Variants in DLG2 observed in about 807,000 individuals in gnomAD.
DLG2 encodes the protein disks large homolog 2.
A neutral mutation model predicts 132.5 loss-of-function variants in DLG2; 45 were observed. The ratio of observed to expected loss-of-function variants is 0.34; its 90% CI spans 0.27 to 0.44. The LOEUF is 0.44. DLG2 is among the 20% of genes least tolerant of loss of function. The pLI is 1.00. For missense variants in DLG2, 1,045 were observed against 1,196.9 expected, an observed-to-expected ratio of 0.87 and a Z score of 1.87; for synonymous variants, 424 against 419.6, an observed-to-expected ratio of 1.01 and a Z score of -0.13.
chr11:84,939,087 T>C (rs1196096133), intron 6 of DLG2, among the ~76,000 whole-genome samples: 1 of 152,040 alleles, frequency 6.6e-6, no homozygotes, highest in Non-Finnish European at 1.5e-5. Context: ...AATTTAATGA[T>C]TACTTATTAA....
At chr11:85,181,540 T>C (rs17148040) in intron 4 of DLG2, among the ~76,000 whole-genome samples, 5,747 of 151,794 alleles carry the variant, frequency 0.038, 150 homozygotes, top group African/African-American at 0.065. Context: ...GTTCTCCTTT[T>C]AAAATTTAAT....
rs911798876 is a variant in DLG2, at chr11:83,457,385, G to T, written c.*2433C>A. On this transcript the variant is annotated 3_prime_UTR_variant, in exon 28 of 28. Transcript: ENST00000376104. Reference sequence around the variant, plus strand: ...TTGGAAAAGACCCTCTCACCAATTTGCTTGGTGATTCTTCAAGCAAATATA... The same window carrying T: ...TTGGAAAAGACCCTCTCACCAATTTTCTTGGTGATTCTTCAAGCAAATATA... The T allele has an allele frequency of 3.9e-5, 6 of 152,522 alleles. No homozygotes were observed. The highest frequency in any genetic ancestry group is 1.4e-4 in the African/African-American group (6 of 41,394). The allele number at this position is 152,522 out of a possible 1,614,324, so 9.4% of individuals were successfully genotyped here. A position where few individuals can be genotyped will look rare whatever the true frequency, so the allele number is the denominator to read the frequency against.
intron 6 of DLG2, among the ~76,000 whole-genome samples, chr11:84,998,575 G>A (rs1566610896): frequency 6.6e-6 from 1 of 152,090 alleles, no homozygotes; most frequent in East Asian, 1.9e-4. Flanking sequence ...TATGTTCTAA[G>A]GTTCTGCATT....
intron 7 of DLG2, among the ~76,000 whole-genome samples, chr11:84,312,219 C>T (rs931637252): frequency 2.6e-5 from 4 of 152,144 alleles, no homozygotes; most frequent in African/African-American, 9.7e-5. Context: ...CACTTGTAAT[C>T]CCAACACTTT....
chr11:84,182,921 C>A (rs1000041440), intron 8 of DLG2, among the ~76,000 whole-genome samples: 1 of 152,080 alleles, frequency 6.6e-6, no homozygotes, highest in Admixed American at 6.6e-5. Context: ...ACCACAGATT[C>A]CATGGTCATT....
At chr11:84,558,822 T>C (rs538559743) in intron 6 of DLG2, among the ~76,000 whole-genome samples, 4 of 152,162 alleles carry the variant, frequency 2.6e-5, no homozygotes, top group Non-Finnish European at 5.9e-5. Context: ...TTCTTTATTT[T>C]TTTGCATCTA....
At chr11:84,192,931 A>C (rs1346209284) in intron 8 of DLG2, among the ~76,000 whole-genome samples, 1 of 152,188 alleles carries the variant, frequency 6.6e-6, no homozygotes, top group Non-Finnish European at 1.5e-5. Flanking sequence ...TTCCCACATG[A>C]AATCATAATA....
At chr11:84,809,529 T>C (rs990093158) in intron 6 of DLG2, among the ~76,000 whole-genome samples, 1 of 151,804 alleles carries the variant, frequency 6.6e-6, no homozygotes, top group Non-Finnish European at 1.5e-5. Context: ...GAAATCCTAA[T>C]GAACCTACAA....
intron 6 of DLG2, among the ~76,000 whole-genome samples, chr11:84,886,004 G>C (rs1943726): frequency 0.43 from 64,654 of 151,844 alleles, 14,217 homozygotes; most frequent in Middle Eastern, 0.45. Context: ...GAGATTTAAA[G>C]ATTAGTTAAG....
At chr11:84,888,464 C>A (rs1036329879) in intron 6 of DLG2, among the ~76,000 whole-genome samples, 2 of 152,024 alleles carry the variant, frequency 1.3e-5, no homozygotes, top group Non-Finnish European at 2.9e-5. Flanking sequence ...AGTTCTTAGG[C>A]TTTTGGAGTG....
chr11:85,176,556 A>C (rs2079261580), intron 4 of DLG2, among the ~76,000 whole-genome samples: 1 of 152,212 alleles, frequency 6.6e-6, no homozygotes, highest in African/African-American at 2.4e-5. Context: ...GGCACTGGCA[A>C]AGATTTCATA....
chr11:85,246,121 G>A lies in DLG2; in HGVS notation c.186+39099C>T, dbSNP rs536978284. 1.2e-3 allele frequency among the ~76,000 whole-genome samples: 181 copies of A among 151,892 alleles called. 1 individual carries two copies. Among genetic ancestry groups the A allele is most frequent in the African/African-American group, 4.2e-3 (173 of 41,470 alleles). On this transcript the variant is annotated intron_variant, in intron 4 of 27. Coordinates refer to ENST00000376104, the MANE Select transcript of DLG2 (RefSeq NM_001142699.3). ...CTATAGCACCATGATCCTACCTTATGAGGATGTGAATTATAAAATTCAGGT... is the reference window on the plus strand; with the variant it reads ...CTATAGCACCATGATCCTACCTTATAAGGATGTGAATTATAAAATTCAGGT...
chr11:84,798,878 G>A (rs950492600), intron 6 of DLG2, among the ~76,000 whole-genome samples: 3 of 152,132 alleles, frequency 2.0e-5, no homozygotes, highest in Non-Finnish European at 2.9e-5. Flanking sequence ...CTGGGAGCTC[G>A]GGCCTGGTAT....
intron 6 of DLG2, among the ~76,000 whole-genome samples, chr11:84,945,247 A>C (rs895933212): frequency 3.9e-5 from 6 of 152,222 alleles, no homozygotes; most frequent in Admixed American, 3.9e-4. Flanking sequence ...TGGTCACTAT[A>C]GCCGTATCTG....
At chr11:84,805,275 C>T (rs1053116851) in intron 6 of DLG2, among the ~76,000 whole-genome samples, 1 of 152,060 alleles carries the variant, frequency 6.6e-6, no homozygotes, top group African/African-American at 2.4e-5. Flanking sequence ...ATTTTATCCC[C>T]ATTTGACAGT....
rs551709784 is a variant in DLG2, at chr11:83,874,405, GTAT to G, written c.1565+12_1565+14del. ...AAGGCTGCACAGTTTAAGAGGTTCT[GTAT>G]TATTATCTTACCCTTCCAGGGAGAC... On this transcript the variant is annotated intron_variant, in intron 16 of 27. Transcript: ENST00000376104. The G allele has an allele frequency of 2.7e-4, 421 of 1,578,120 alleles. 2 individuals are homozygous for G. The highest frequency in any genetic ancestry group is 1.8e-3 in the Middle Eastern group (11 of 5,946).
In DLG2 at chr11:84,287,320, G is replaced by A. The variant is rs141731222; in HGVS notation, c.520-36029C>T. On this transcript the variant is annotated intron_variant, in intron 7 of 27. Transcript: ENST00000376104. ...TTCTTACAACAATCCTAGGAGGTCG[G>A]GATGGTTATATCCATTTTACAGATA... Among the ~76,000 whole-genome samples, 235 of 152,064 alleles carry A rather than the reference G, an allele frequency of 1.5e-3. 2 individuals are homozygous for A. Among genetic ancestry groups the A allele is most frequent in the African/African-American group, 4.5e-3 (185 of 41,464 alleles).
At chr11:84,999,813 C>A (rs910574504) in intron 6 of DLG2, among the ~76,000 whole-genome samples, 1 of 151,992 alleles carries the variant, frequency 6.6e-6, no homozygotes, top group African/African-American at 2.4e-5. Context: ...AAAACTCTTG[C>A]CTGGGGCTGA....
In DLG2 at chr11:85,111,873, C is replaced by G. The variant is rs1594359974; in HGVS notation, c.283-138G>C. ...GAGAGAATGCTTTGTTGGTGCAATGCTGCAGAAAACTAGGTACATAATTTC... is the reference window on the plus strand; with the variant it reads ...GAGAGAATGCTTTGTTGGTGCAATGGTGCAGAAAACTAGGTACATAATTTC... On this transcript the variant is annotated intron_variant, in intron 5 of 27. Coordinates refer to ENST00000376104, the MANE Select transcript of DLG2 (RefSeq NM_001142699.3). 6.9e-6 allele frequency: 4 copies of G among 580,552 alleles called. No individual in the cohort carries two copies. The East Asian group carries it at 1.3e-4, about 19-fold the overall frequency. The allele number at this position is 580,552 out of a possible 1,614,324, so 36.0% of individuals were successfully genotyped here. A position where few individuals can be genotyped will look rare whatever the true frequency, so the allele number is the denominator to read the frequency against.
Sources: gnomAD v4.1 joint callset for allele counts (sites outside exome capture counted in the v4.1 genomes callset) on GRCh38, gnomAD v4.1.1 for gene constraint, MANE v1.5 for transcripts, NCBI Gene and HGNC (gene_info 2026-07-23, HGNC 2026-07-21) for gene names.